DPP4: variants seen among roughly 807,000 people sequenced by gnomAD.
DPP4 encodes dipeptidyl peptidase 4.
Under a neutral mutation model 122.4 loss-of-function variants are expected in DPP4, and 93 were observed. That is an observed-to-expected ratio of 0.76 (90% CI 0.64 to 0.90). DPP4 has a LOEUF of 0.90. Ranked by LOEUF, DPP4 falls within the 40% of genes least tolerant of loss-of-function variation. The probability of loss-of-function intolerance (pLI) is 0.00; values close to 1 mark genes in which losing one functional copy is unlikely to be tolerated. For synonymous variants in DPP4, 321 were observed against 302.9 expected, an observed-to-expected ratio of 1.06 and a Z score of -0.62; for missense variants, 914 against 907.3, an observed-to-expected ratio of 1.01 and a Z score of -0.09.
intron 1 of DPP4, among the ~76,000 whole-genome samples, chr2:162,073,773 C>A (rs890257203): frequency 6.8e-6 from 1 of 147,026 alleles, no homozygotes; most frequent in Admixed American, 6.8e-5. Context: ...ATTCAAAGCT[C>A]GACGCCAGGG....
chr2:162,066,466 T>C (rs1424306230), intron 2 of DPP4, among the ~76,000 whole-genome samples: 1 of 152,180 alleles, frequency 6.6e-6, no homozygotes, highest in Non-Finnish European at 1.5e-5. Flanking sequence ...CTCCTTTCTG[T>C]GTCTGCCGGT....
chr2:162,043,718 C>T (rs942551281), intron 5 of DPP4, among the ~76,000 whole-genome samples: 1 of 152,138 alleles, frequency 6.6e-6, no homozygotes, highest in African/African-American at 2.4e-5. Context: ...TTACAATCAC[C>T]TATGACAGTT....
At chr2:162,060,062 C>T (rs1281462269) in intron 2 of DPP4, among the ~76,000 whole-genome samples, 1 of 152,160 alleles carries the variant, frequency 6.6e-6, no homozygotes, top group African/African-American at 2.4e-5. Context: ...ACCAAAGCCA[C>T]ATTTGGACCA....
intron 22 of DPP4, among the ~76,000 whole-genome samples, chr2:162,007,455 AT>A (rs552342539): frequency 1.2e-3 from 176 of 152,262 alleles, no homozygotes; most frequent in African/African-American, 4.0e-3. Context: ...TTTTAAAAAA[AT>A]ATGCCTTGAA....
intron 9 of DPP4, 30 bp downstream of exon 9, chr2:162,035,134 T>C (rs1181398291): frequency 1.3e-6 from 2 of 1,584,920 alleles, no homozygotes; most frequent in African/African-American, 1.4e-5. Flanking sequence ...CATCAAATCA[T>C]GGAACCACTG....
intron 11 of DPP4, among the ~76,000 whole-genome samples, chr2:162,024,024 T>C (rs932531820): frequency 6.6e-6 from 1 of 152,238 alleles, no homozygotes; most frequent in Non-Finnish European, 1.5e-5. Flanking sequence ...AATCAAGTTA[T>C]GTGAGGCTCC....
chr2:162,027,911 A>T (rs1683391056), intron 10 of DPP4, among the ~76,000 whole-genome samples: 1 of 152,114 alleles, frequency 6.6e-6, no homozygotes, highest in South Asian at 2.1e-4. Flanking sequence ...CCATGACCCC[A>T]GGTGTACTCT....
At chr2:162,038,010 T>G (rs1043187828) in intron 8 of DPP4, among the ~76,000 whole-genome samples, 3 of 152,128 alleles carry the variant, frequency 2.0e-5, no homozygotes, top group Admixed American at 2.0e-4. Flanking sequence ...CTGGAGGCTT[T>G]TATGTTCCAG....
Position 162,020,601 on chromosome 2 carries a change from A to G in DPP4, c.1156T>C (p.Tyr386His). 1 of 1,608,866 alleles carries G rather than the reference A, an allele frequency of 6.2e-7. No individual in the cohort carries two copies. The highest frequency in any genetic ancestry group is 8.5e-7 in the Non-Finnish European group (1 of 1,178,418). Residue 386 changes from tyrosine to histidine, a missense_variant, in exon 13 of 26, where the codon TAT (tyrosine) becomes CAT (histidine). Physicochemically the swap from Tyr to His is moderately conservative, Grantham distance 83 (BLOSUM62 2). Coordinates refer to ENST00000360534, the MANE Select transcript of DPP4 (RefSeq NM_001935.4). ...SNEEGYRHIC[Y>H]FQIDKKDCTF... ...CTCACTTTTTTATCTATTTGGAAATAGCAAATGTGTCTGTAACCTTCTTCA... is the reference window on the plus strand; with the variant it reads ...CTCACTTTTTTATCTATTTGGAAATGGCAAATGTGTCTGTAACCTTCTTCA...
At chr2:162,013,513 C>T (rs1214959885) in intron 19 of DPP4, among the ~76,000 whole-genome samples, 1 of 152,022 alleles carries the variant, frequency 6.6e-6, no homozygotes, top group Non-Finnish European at 1.5e-5. Flanking sequence ...TGGGTCCTGC[C>T]TTCCTCTCCC....
chr2:162,020,303 GT>G lies in DPP4; in HGVS notation c.1177-8del, dbSNP rs34282135. 17,227 of 1,174,666 alleles carry G rather than the reference GT, an allele frequency of 0.015. 1 individual carries two copies. Among genetic ancestry groups the G allele is most frequent in the Non-Finnish European group, 0.016 (13,706 of 881,404 alleles). The allele number at this position is 1,174,666 out of a possible 1,614,324, so 72.8% of individuals were successfully genotyped here. A position where few individuals can be genotyped will look rare whatever the true frequency, so the allele number is the denominator to read the frequency against. Reference sequence around the variant, plus strand: ...TTGTAATAAATGTGCAGTCCTGATGGTTTTTTTTTTTTTTCAAAAAAAAAAA... The same window carrying G: ...TTGTAATAAATGTGCAGTCCTGATGGTTTTTTTTTTTTTCAAAAAAAAAAA... On this transcript the variant is annotated splice_polypyrimidine_tract_variant and splice_region_variant and intron_variant, in intron 13 of 25. Transcript: ENST00000360534.
chr2:162,017,083 TGAA>T (rs1242825643), intron 17 of DPP4, 22 bp downstream of exon 17: 3 of 1,605,740 alleles, frequency 1.9e-6, no homozygotes, highest in Non-Finnish European at 8.5e-7. Flanking sequence ...TAGAAACAAA[TGAA>T]GAGTAAAATA....
At chr2:162,036,058 T>A (rs1216385935) in intron 8 of DPP4, among the ~76,000 whole-genome samples, 1 of 152,172 alleles carries the variant, frequency 6.6e-6, no homozygotes, top group African/African-American at 2.4e-5. Flanking sequence ...TTCCCTATGA[T>A]TATTATGGGG....
At chr2:162,010,233 C>T (rs953923231) in intron 20 of DPP4, among the ~76,000 whole-genome samples, 4 of 152,192 alleles carry the variant, frequency 2.6e-5, no homozygotes, top group African/African-American at 9.6e-5. Context: ...ATAATTTGAT[C>T]AACCTTTACA....
chr2:162,028,517 G>A (rs886677202), intron 10 of DPP4, among the ~76,000 whole-genome samples: 1 of 152,162 alleles, frequency 6.6e-6, no homozygotes, highest in South Asian at 2.1e-4. Flanking sequence ...ATACTGAGTA[G>A]CTTTCTTATG....
chr2:162,072,101 C>T (rs992920129), intron 2 of DPP4, among the ~76,000 whole-genome samples: 1 of 152,126 alleles, frequency 6.6e-6, no homozygotes, highest in Non-Finnish European at 1.5e-5. Flanking sequence ...CTTATACAGT[C>T]CTTGAGGTCA....
Position 161,999,197 on chromosome 2 carries a change from C to A in DPP4, c.2053-3825G>T, listed in dbSNP as rs140221669. Among the ~76,000 whole-genome samples, 276 of 152,268 alleles carry A rather than the reference C, an allele frequency of 1.8e-3. 1 individual carries two copies. The highest frequency in any genetic ancestry group is 2.0e-3 in the Non-Finnish European group (133 of 68,026). On this transcript the variant is annotated intron_variant, in intron 23 of 25. Transcript: ENST00000360534. ...GTGCACCCTGGCTTCTCAATTAACA[C>A]CCTTTACAGTCCAGTGTATGGCACA... is the stretch of plus-strand genomic sequence containing the variant.
At chr2:162,027,880 C>A (rs1044804719) in intron 10 of DPP4, among the ~76,000 whole-genome samples, 1 of 152,112 alleles carries the variant, frequency 6.6e-6, no homozygotes, top group Non-Finnish European at 1.5e-5. Flanking sequence ...GTCCTGGACT[C>A]TGCATGGCCT....
At chr2:162,037,173 C>G (rs900606963) in intron 8 of DPP4, among the ~76,000 whole-genome samples, 2 of 152,132 alleles carry the variant, frequency 1.3e-5, no homozygotes, top group Non-Finnish European at 1.5e-5. Context: ...ATGGCCTAGT[C>G]GTGAACATGC....
Sources: allele counts gnomAD v4.1 joint callset (sites outside exome capture counted in the v4.1 genomes callset), GRCh38; gene constraint gnomAD v4.1.1; transcripts MANE v1.5; gene names NCBI Gene and HGNC (gene_info 2026-07-23, HGNC 2026-07-21).